The following APOD variants were observed in gnomAD, a reference collection of about 807,000 sequenced individuals.
The protein encoded by APOD is apolipoprotein D, also known as apo-D.
APOD carries 22 observed loss-of-function variants against 20.4 expected under a neutral mutation model. The observed-to-expected ratio is 1.08, with a 90% CI of 0.77 to 1.54. The LOEUF is 1.54. Ranked by LOEUF, APOD falls within the 40% of genes most tolerant of loss-of-function variation. The probability of loss-of-function intolerance (pLI) is 0.00; values close to 1 mark genes in which losing one functional copy is unlikely to be tolerated. For synonymous variants in APOD, 97 were observed against 92.4 expected, an observed-to-expected ratio of 1.05 and a Z score of -0.29; for missense variants, 223 against 229.6, an observed-to-expected ratio of 0.97 and a Z score of 0.19.
intron 2 of APOD, among the ~76,000 whole-genome samples, chr3:195,578,800 C>G (rs1475632032): frequency 1.3e-5 from 2 of 152,164 alleles, no homozygotes; most frequent in Non-Finnish European, 2.9e-5. Context: ...GATGCTGCAT[C>G]TGTAGAACAA....
At chr3:195,573,540 C>T (rs183346037) in intron 3 of APOD, among the ~76,000 whole-genome samples, 22 of 152,332 alleles carry the variant, frequency 1.4e-4, no homozygotes, top group Admixed American at 5.9e-4. Context: ...CAGATGGTGT[C>T]GAAGCGGCTT....
At chr3:195,574,780 G>T (rs927530686) in intron 2 of APOD, among the ~76,000 whole-genome samples, 3 of 152,212 alleles carry the variant, frequency 2.0e-5, no homozygotes, top group Non-Finnish European at 1.5e-5. Flanking sequence ...TTAGTAGGGG[G>T]CTGGGTGAGT....
At chr3:195,577,851 G>A (rs948525724) in intron 2 of APOD, among the ~76,000 whole-genome samples, 4 of 152,186 alleles carry the variant, frequency 2.6e-5, no homozygotes, top group Admixed American at 2.6e-4. Flanking sequence ...ATGCAGAATA[G>A]GCAAATTCGG....
At chr3:195,578,488 A>C (rs1309298117) in intron 2 of APOD, among the ~76,000 whole-genome samples, 2 of 152,174 alleles carry the variant, frequency 1.3e-5, no homozygotes, top group East Asian at 1.9e-4. Flanking sequence ...AGGAAGTCTT[A>C]AGGGTGAGAT....
In APOD at chr3:195,569,778, T is replaced by C. The variant is rs182430001; in HGVS notation, c.335-643A>G. ...CTAGGCCTCTTTATTCAGGCCTTCT[T>C]CTTCTTCGTTTTTTTTTTTTTTTTT... On this transcript the variant is annotated intron_variant, in intron 4 of 4. Coordinates refer to ENST00000343267, the MANE Select transcript of APOD (RefSeq NM_001647.4). Among the ~76,000 whole-genome samples, 122 of 148,604 alleles carry C rather than the reference T, an allele frequency of 8.2e-4. 2 individuals carry two copies. The East Asian group carries it at 0.019, about 23-fold the overall frequency.
intron 1 of APOD, among the ~76,000 whole-genome samples, 191 bp downstream of exon 1, chr3:195,583,687 G>T (rs1298460698): frequency 1.3e-5 from 2 of 152,122 alleles, no homozygotes; most frequent in African/African-American, 4.8e-5. Flanking sequence ...TTTATCACTG[G>T]AAAAATGGCT....
At chr3:195,579,028 G>A (rs1015133601) in intron 2 of APOD, among the ~76,000 whole-genome samples, 5 of 152,164 alleles carry the variant, frequency 3.3e-5, no homozygotes, top group African/African-American at 1.2e-4. Context: ...CATGCTCCAC[G>A]TGTCCTCAGA....
intron 4 of APOD, 140 bp downstream of exon 4, chr3:195,571,137 G>C: frequency 2.5e-6 from 2 of 786,440 alleles, no homozygotes; most frequent in Admixed American, 3.9e-5. Context: ...GTGACATGTA[G>C]TAAGTGTTTG....
chr3:195,572,068 G>A (rs928088451), intron 3 of APOD, among the ~76,000 whole-genome samples: 2 of 152,176 alleles, frequency 1.3e-5, no homozygotes, highest in African/African-American at 4.8e-5. Flanking sequence ...GGCGTGAGCC[G>A]CCGTGCCTGG....
At chr3:195,573,758 G>T (rs1000535219) in intron 3 of APOD, 92 bp downstream of exon 3, 8 of 1,505,864 alleles carry the variant, frequency 5.3e-6, no homozygotes, top group South Asian at 2.5e-5. Context: ...ATCCAGCAAG[G>T]TTCCCATCCT....
At chr3:195,572,483 A>G (rs1484060285) in intron 3 of APOD, among the ~76,000 whole-genome samples, 1 of 152,212 alleles carries the variant, frequency 6.6e-6, no homozygotes, top group Non-Finnish European at 1.5e-5. Context: ...CTGGGGGCTT[A>G]GATTGGATGC....
chr3:195,579,840 A>C (rs1720305042), intron 1 of APOD, among the ~76,000 whole-genome samples: 1 of 152,188 alleles, frequency 6.6e-6, no homozygotes, highest in Non-Finnish European at 1.5e-5. Flanking sequence ...GGCTCAGTAG[A>C]TACTTGTCAA....
intron 4 of APOD, chr3:195,570,538 T>TG: frequency 6.6e-6 from 1 of 152,122 alleles, no homozygotes. Flanking sequence ...TTGACTGGTG[T>TG]GGGGTGGAGG....
rs145782664 is a variant in APOD at position 195,573,954 on chromosome 3, G to A, written c.141C>T (p.Tyr47=). 157 of 1,614,048 alleles carry A rather than the reference G, an allele frequency of 9.7e-5. No homozygotes were observed. In the East Asian group the frequency reaches 2.9e-3, roughly 29 times the overall value. The change falls in exon 3 of 5, where the codon TAC becomes TAT. Residue 47 remains tyrosine (Y), a synonymous_variant. Transcript: ENST00000343267. ...AGGTTGTTGGGATCTTCTCAATTTC[G>A]TACCATCTTCCGAGATACTGCAGAG... is the stretch of plus-strand genomic sequence containing the variant. ...FDVNKYLGRW[Y]EIEKIPTTFE...
In APOD at chr3:195,579,374, TG is replaced by T; in HGVS notation, c.87del (p.Asn30IlefsTer10). On this transcript the variant is annotated frameshift_variant, in exon 2 of 5. Coordinates refer to ENST00000343267, the MANE Select transcript of APOD (RefSeq NM_001647.4). LOFTEE classifies it high-confidence loss of function. The part of the protein sequence containing the change: ...EGQAFHLGKC[P>X]NPPVQENFDV... The stretch of plus-strand genomic sequence containing the variant: ...TCAAAATTCTCCTGCACCGGAGGAT[TG>T]GGGCACTTCCCAAGATGAAATGCTT... 6.2e-7 allele frequency: 1 copy of T among 1,614,200 alleles called. No homozygotes were observed. The highest frequency in any genetic ancestry group is 1.1e-5 in the South Asian group (1 of 91,078).
Position 195,579,396 on chromosome 3 carries a change from T to C in APOD, c.66A>G (p.Ala22=), listed in dbSNP as rs769571884. The change falls in exon 2 of 5, where the codon GCA becomes GCG. Residue 22 remains alanine (A), a synonymous_variant. Transcript: ENST00000343267. ...AGLFGAAEGQ[A]FHLGKCPNPP... ...GATTGGGGCACTTCCCAAGATGAAA[T>C]GCTTGTCCCTCTGCCGCACCGAAGA... is the stretch of plus-strand genomic sequence containing the variant. 2 of 1,614,188 alleles carry C rather than the reference T, an allele frequency of 1.2e-6. No homozygotes were observed. Among genetic ancestry groups the C allele is most frequent in the East Asian group, 4.5e-5 (2 of 44,880 alleles).
intron 3 of APOD, 97 bp downstream of exon 3, chr3:195,573,753 G>T: frequency 6.8e-7 from 1 of 1,479,942 alleles, no homozygotes; most frequent in Non-Finnish European, 9.2e-7. Flanking sequence ...TCCCGATCCA[G>T]CAAGGTTCCC....
chr3:195,577,740 G>A (rs1465002368), intron 2 of APOD, among the ~76,000 whole-genome samples: 1 of 152,180 alleles, frequency 6.6e-6, no homozygotes, highest in African/African-American at 2.4e-5. Flanking sequence ...AATAAAAGGG[G>A]ATATAGTATT....
At chr3:195,577,704 G>A (rs958190681) in intron 2 of APOD, among the ~76,000 whole-genome samples, 2 of 152,102 alleles carry the variant, frequency 1.3e-5, no homozygotes, top group Non-Finnish European at 2.9e-5. Context: ...TTCCTATAAC[G>A]ATTTCCTACA....
Sources: gnomAD v4.1 joint callset for allele counts (sites outside exome capture counted in the v4.1 genomes callset) on GRCh38, gnomAD v4.1.1 for gene constraint, MANE v1.5 for transcripts, NCBI Gene and HGNC (gene_info 2026-07-23, HGNC 2026-07-21) for gene names.